The following PTPRM variants were observed in gnomAD, a reference collection of about 807,000 sequenced individuals.
PTPRM encodes receptor-type tyrosine-protein phosphatase mu.
In PTPRM, 47 loss-of-function variants were observed where a neutral mutation model predicts 186.7. That is an observed-to-expected ratio of 0.25 (90% CI 0.20 to 0.32). The LOEUF (loss-of-function observed/expected upper bound fraction) is 0.32. PTPRM is among the 10% of genes least tolerant of loss of function. The probability of loss-of-function intolerance (pLI) is 1.00; values close to 1 mark genes in which losing one functional copy is unlikely to be tolerated. For missense variants in PTPRM, 1,494 were observed against 1,865.0 expected (o/e 0.80, Z 3.66); for synonymous variants, 668 against 674.9 (o/e 0.99, Z 0.16).
chr18:7,590,785 G>A (rs2037105140), intron 1 of PTPRM, among the ~76,000 whole-genome samples: 2 of 152,134 alleles, frequency 1.3e-5, no homozygotes, highest in Non-Finnish European at 2.9e-5. Context: ...AAAATCTTTG[G>A]AAATGTATGG....
chr18:7,812,477 A>G (rs573873720), intron 2 of PTPRM, among the ~76,000 whole-genome samples: 1 of 152,296 alleles, frequency 6.6e-6, no homozygotes, highest in African/African-American at 2.4e-5. Context: ...TGAGCCTCTT[A>G]GGTCTTAAGC....
At chr18:7,712,308 G>A (rs2040230055) in intron 1 of PTPRM, among the ~76,000 whole-genome samples, 1 of 152,132 alleles carries the variant, frequency 6.6e-6, no homozygotes, top group South Asian at 2.1e-4. Context: ...GAGAGGAAAA[G>A]CATCAACATC....
intron 7 of PTPRM, among the ~76,000 whole-genome samples, chr18:8,021,335 C>T (rs1259505655): frequency 6.6e-6 from 1 of 150,434 alleles, no homozygotes; most frequent in African/African-American, 2.5e-5. Context: ...CACACACACA[C>T]ACACACACAC....
intron 7 of PTPRM, among the ~76,000 whole-genome samples, chr18:8,016,485 A>T (rs1487816603): frequency 6.0e-5 from 9 of 149,450 alleles, no homozygotes; most frequent in African/African-American, 2.2e-4. Context: ...GTGAGCCAAG[A>T]TTGCATCACT....
chr18:8,076,697 G>A (rs777921781), intron 9 of PTPRM, 133 bp downstream of exon 9: 24 of 505,644 alleles, frequency 4.7e-5, no homozygotes, highest in Middle Eastern at 5.0e-4. Flanking sequence ...TAGTTATAAT[G>A]GTTGTTATAT....
In PTPRM at chr18:8,143,629, A is replaced by T. The variant is rs1370925309; in HGVS notation, c.2168-18A>T. 15 of 1,575,192 alleles carry T rather than the reference A, an allele frequency of 9.5e-6. No individual in the cohort carries two copies. In the Admixed American group the frequency reaches 1.0e-4, roughly 11 times the overall value. ...TCTTACCTACAGTCTCTCCTTTTTC[A>T]TTTCCTTTCATCTTCAGGAGCTGCC... On this transcript the variant is annotated intron_variant, in intron 13 of 32. Transcript: ENST00000580170.
At chr18:7,878,532 G>C (rs1275973090) in intron 2 of PTPRM, among the ~76,000 whole-genome samples, 2 of 152,144 alleles carry the variant, frequency 1.3e-5, no homozygotes, top group Non-Finnish European at 2.9e-5. Flanking sequence ...TGTTTTTTAG[G>C]ACAAAGGATG....
At position 8,406,230 on chromosome 18, in the gene PTPRM, C is replaced by T; in HGVS notation, c.*68C>T. On this transcript the variant is annotated 3_prime_UTR_variant, in exon 33 of 33. Coordinates refer to ENST00000580170, the MANE Select transcript of PTPRM (RefSeq NM_001105244.2). ...GCCAAGACGTTCCATGGTATTTGTG[C>T]AAAAGAGATGAAGACTTCTCAATAT... 3 of 1,434,408 alleles carry T rather than the reference C, an allele frequency of 2.1e-6. No homozygotes were observed. In the Admixed American group the frequency reaches 5.5e-5, roughly 27 times the overall value. The allele number at this position is 1,434,408 out of a possible 1,614,324, so 88.9% of individuals were successfully genotyped here. A position where few individuals can be genotyped will look rare whatever the true frequency, so the allele number is the denominator to read the frequency against.
At chr18:7,680,074 C>T (rs768048391) in intron 1 of PTPRM, among the ~76,000 whole-genome samples, 22 of 152,088 alleles carry the variant, frequency 1.4e-4, no homozygotes, top group Non-Finnish European at 3.1e-4. Flanking sequence ...CCATGTTGCC[C>T]AGGCTGGTCT....
At chr18:8,231,348 C>A (rs2094283705) in intron 14 of PTPRM, among the ~76,000 whole-genome samples, 1 of 152,152 alleles carries the variant, frequency 6.6e-6, no homozygotes, top group African/African-American at 2.4e-5. Flanking sequence ...CTGCTCCTCT[C>A]CCAATTGCCA....
intron 1 of PTPRM, among the ~76,000 whole-genome samples, chr18:7,640,193 T>C (rs887573755): frequency 6.6e-6 from 1 of 152,192 alleles, no homozygotes; most frequent in Non-Finnish European, 1.5e-5. Flanking sequence ...ATTATGCTGA[T>C]GATTAGCCTG....
intron 6 of PTPRM, among the ~76,000 whole-genome samples, chr18:7,952,109 T>C (rs774480991): frequency 1.3e-5 from 2 of 152,224 alleles, no homozygotes; most frequent in African/African-American, 2.4e-5. Flanking sequence ...CAATACCCTA[T>C]TTAGTTACGT....
chr18:7,575,288 C>A (rs1437388962), intron 1 of PTPRM, among the ~76,000 whole-genome samples: 1 of 152,226 alleles, frequency 6.6e-6, no homozygotes, highest in African/African-American at 2.4e-5. Context: ...CTGCCATCCG[C>A]AGCTGATCAC....
chr18:8,000,113 G>C (rs1044268167), intron 7 of PTPRM, among the ~76,000 whole-genome samples: 1 of 152,174 alleles, frequency 6.6e-6, no homozygotes, highest in Non-Finnish European at 1.5e-5. Context: ...GCATTAGGGA[G>C]GGCAATCTGC....
chr18:8,030,818 A>C (rs1259790110), intron 7 of PTPRM, among the ~76,000 whole-genome samples: 4 of 152,202 alleles, frequency 2.6e-5, no homozygotes, highest in Non-Finnish European at 4.4e-5. Flanking sequence ...ATAGTTATTA[A>C]ACTTTTGAAA....
intron 3 of PTPRM, among the ~76,000 whole-genome samples, chr18:7,892,408 A>T (rs528217954): frequency 6.6e-6 from 1 of 152,202 alleles, no homozygotes; most frequent in Non-Finnish European, 1.5e-5. Context: ...CATTGAGAGT[A>T]AGATGGTCCC....
At chr18:8,282,660 C>T (rs961577187) in intron 19 of PTPRM, among the ~76,000 whole-genome samples, 4 of 152,116 alleles carry the variant, frequency 2.6e-5, no homozygotes, top group East Asian at 1.9e-4. Context: ...TAAACCCTGT[C>T]GCAAAAAACA....
chr18:7,763,562 C>T (rs977861353), intron 1 of PTPRM, among the ~76,000 whole-genome samples: 1 of 152,192 alleles, frequency 6.6e-6, no homozygotes, highest in African/African-American at 2.4e-5. Context: ...TAAATACACT[C>T]ATCTGTACGA....
At chr18:8,062,748 G>GC in intron 7 of PTPRM, among the ~76,000 whole-genome samples, 1 of 79,548 alleles carries the variant, frequency 1.3e-5, no homozygotes. Context: ...CTGCTGGGGG[G>GC]TGCCTCCCAG....
Sources: gnomAD v4.1 joint callset for allele counts (sites outside exome capture counted in the v4.1 genomes callset) on GRCh38, gnomAD v4.1.1 for gene constraint, MANE v1.5 for transcripts, NCBI Gene and HGNC (gene_info 2026-07-23, HGNC 2026-07-21) for gene names.